The following PHEX variants were observed in gnomAD, a reference collection of about 807,000 sequenced individuals.
PHEX encodes the protein phosphate-regulating neutral endopeptidase PHEX.
A neutral mutation model predicts 68.0 loss-of-function variants in PHEX; 16 were observed. That is an observed-to-expected ratio of 0.24 (90% CI 0.16 to 0.36). The LOEUF is 0.36. Among genes scored for constraint, PHEX ranks in the 10% least tolerant of loss-of-function variants. The pLI is 1.00. For synonymous variants in PHEX, 208 were observed against 205.1 expected (o/e 1.01, Z -0.12); for missense variants, 480 against 575.5 (o/e 0.83, Z 1.70).
intron 10 of PHEX, among the ~76,000 whole-genome samples, chrX:22,112,578 G>C (rs1266203328): frequency 4.5e-5 from 5 of 111,268 alleles, no homozygotes; most frequent in Non-Finnish European, 5.7e-5. Context: ...AATTATTTTG[G>C]ATATGCTTTG....
chrX:22,218,964 T>TG, intron 16 of PHEX, 72 bp from the exon 17 acceptor site: 1 of 742,480 alleles, frequency 1.3e-6, no homozygotes, highest in East Asian at 3.2e-5. Context: ...GGCTTTCCAT[T>TG]GAAAAAATTA....
chrX:22,199,241 A>T (rs1420861266), intron 15 of PHEX, among the ~76,000 whole-genome samples: 1 of 111,285 alleles, frequency 9.0e-6, no homozygotes, highest in Non-Finnish European at 1.9e-5. Context: ...GAGTTTTGCA[A>T]ATGGCTCAAG....
rs921596276 is a variant in PHEX, at chrX:22,032,903, T to G, written c.-103T>G. 1.7e-6 allele frequency: 1 copy of G among 604,196 alleles called. No homozygotes were observed. The highest frequency in any genetic ancestry group is 2.2e-5 in the African/African-American group (1 of 45,941). The allele number at this position is 604,196 out of a possible 1,213,427, so 49.8% of individuals were successfully genotyped here. A position where few individuals can be genotyped will look rare whatever the true frequency, so the allele number is the denominator to read the frequency against. On this transcript the variant is annotated 5_prime_UTR_variant, in exon 1 of 22. Transcript: ENST00000379374. ...GGCAGTTTCTTAAGCTGTCCATTAG[T>G]AGAAGAGCAAGAAAGCCTTGGATGT...
chrX:22,117,500 A>C (rs961241858), intron 11 of PHEX, among the ~76,000 whole-genome samples: 2 of 111,879 alleles, frequency 1.8e-5, no homozygotes, highest in Non-Finnish European at 3.8e-5. Context: ...GTCAGAGTAA[A>C]TAGATTGAGA....
intron 3 of PHEX, among the ~76,000 whole-genome samples, chrX:22,057,694 C>T (rs1296684780): frequency 9.0e-6 from 1 of 111,654 alleles, no homozygotes; most frequent in African/African-American, 3.3e-5. Flanking sequence ...TGTGTACATG[C>T]TTGCTGTTCT....
At chrX:22,234,833 C>CACCA (rs1556176186) in intron 20 of PHEX, among the ~76,000 whole-genome samples, 2 of 86,643 alleles carry the variant, frequency 2.3e-5, no homozygotes, top group African/African-American at 9.1e-5. Flanking sequence ...AAAAAAAAAA[C>CACCA]CACACACACA....
Position 22,103,344 on chromosome X carries a change from G to A in PHEX, c.1079+4193G>A, listed in dbSNP as rs146244848. Among the ~76,000 whole-genome samples, 105 of 110,616 alleles carry A rather than the reference G, an allele frequency of 9.5e-4. 1 individual carries two copies. The highest frequency in any genetic ancestry group is 3.3e-3 in the African/African-American group (100 of 30,366). ...TTTCAATAATTTTGGGGGAACAGGT[G>A]GTGTTTGGTTGCATGGAAAAATTCT... On this transcript the variant is annotated intron_variant, in intron 9 of 21. Coordinates refer to ENST00000379374, the MANE Select transcript of PHEX (RefSeq NM_000444.6).
chrX:22,226,674 G>T (rs1228976841), intron 19 of PHEX, among the ~76,000 whole-genome samples, 166 bp downstream of exon 19: 1 of 111,744 alleles, frequency 8.9e-6, no homozygotes, highest in Non-Finnish European at 1.9e-5. Flanking sequence ...ATTACATAAA[G>T]AGAACTATAT....
At chrX:22,212,084 G>A (rs1261626757) in intron 15 of PHEX, among the ~76,000 whole-genome samples, 3 of 111,725 alleles carry the variant, frequency 2.7e-5, no homozygotes. Flanking sequence ...CGTTTTCAGT[G>A]TAGGTGTTTG....
chrX:22,077,459 T>C lies in PHEX; in HGVS notation c.437-17T>C, dbSNP rs748086510. On this transcript the variant is annotated splice_polypyrimidine_tract_variant and intron_variant, in intron 4 of 21. Coordinates refer to ENST00000379374, the MANE Select transcript of PHEX (RefSeq NM_000444.6). ...GTTTGCAATTCTAACTTTCTCTTCA[T>C]ATCTGCTCCCTTTCAGAAGCGATTG... 6.8e-6 allele frequency: 8 copies of C among 1,183,248 alleles called. No homozygotes were observed. In the Admixed American group the frequency reaches 8.7e-5, roughly 13 times the overall value.
At chrX:22,182,449 G>T (rs941257169) in intron 14 of PHEX, among the ~76,000 whole-genome samples, 1 of 111,300 alleles carries the variant, frequency 9.0e-6, no homozygotes, top group Non-Finnish European at 1.9e-5. Context: ...TGCCCATGTG[G>T]CTGCTGCTGG....
At chrX:22,060,020 C>T (rs952663598) in intron 3 of PHEX, among the ~76,000 whole-genome samples, 13 of 110,125 alleles carry the variant, frequency 1.2e-4, no homozygotes, top group Non-Finnish European at 2.5e-4. Context: ...CTGGGCCTGG[C>T]AGTGTACATC....
intron 15 of PHEX, among the ~76,000 whole-genome samples, chrX:22,194,390 A>T (rs1241785413): frequency 9.0e-6 from 1 of 110,613 alleles, no homozygotes; most frequent in Non-Finnish European, 1.9e-5. Flanking sequence ...CTTCTTACAC[A>T]CTTCCCCACC....
chrX:22,189,342 AC>A (rs1471929826), intron 14 of PHEX, among the ~76,000 whole-genome samples: 2 of 111,767 alleles, frequency 1.8e-5, no homozygotes, highest in East Asian at 5.6e-4. Flanking sequence ...TCTTTGAGGA[AC>A]CTCCAAATTG....
intron 20 of PHEX, among the ~76,000 whole-genome samples, chrX:22,244,717 G>A (rs949761800): frequency 8.9e-6 from 1 of 112,135 alleles, no homozygotes; most frequent in Non-Finnish European, 1.9e-5. Flanking sequence ...GGCCGTTAGT[G>A]TAGCATCTTA....
At position 22,111,294 on chromosome X, in the gene PHEX, G is replaced by A. The variant is rs146703869; in HGVS notation, c.1080-173G>A. 8.6e-3 allele frequency among the ~76,000 whole-genome samples: 969 copies of A among 112,193 alleles called. 11 individuals carry two copies. Among genetic ancestry groups the A allele is most frequent in the African/African-American group, 0.03 (920 of 30,886 alleles). On this transcript the variant is annotated intron_variant, in intron 9 of 21. Coordinates refer to ENST00000379374, the MANE Select transcript of PHEX (RefSeq NM_000444.6). ...GGTGAAAAGCAAGCCAATTTTGGTT[G>A]TGCTTATTGACATTGTATCATCTTA...
chrX:22,220,390 A>AAAATGTGGCTGACTTGTAGTTAT (rs1217991300), intron 17 of PHEX, among the ~76,000 whole-genome samples: 6 of 111,502 alleles, frequency 5.4e-5, no homozygotes, highest in Non-Finnish European at 1.1e-4. Context: ...CTTCTCTGTT[A>AAAATGTGGCTGACTTGTAGTTAT]AAATGTGGCT....
intron 9 of PHEX, among the ~76,000 whole-genome samples, chrX:22,100,963 G>C (rs1369958259): frequency 9.0e-6 from 1 of 111,094 alleles, no homozygotes; most frequent in Non-Finnish European, 1.9e-5. Context: ...CTTGAGGCCA[G>C]GAGTTCAAGA....
intron 12 of PHEX, among the ~76,000 whole-genome samples, chrX:22,134,436 C>CA (rs2147087446): frequency 1.8e-5 from 2 of 111,724 alleles, no homozygotes; most frequent in South Asian, 7.5e-4. Flanking sequence ...GCTAAAAATA[C>CA]AAAAAAATTA....
Sources: gnomAD v4.1 joint callset for allele counts (sites outside exome capture counted in the v4.1 genomes callset) on GRCh38, gnomAD v4.1.1 for gene constraint, MANE v1.5 for transcripts, NCBI Gene and HGNC (gene_info 2026-07-23, HGNC 2026-07-21) for gene names.